The following PCNX2 variants were observed in gnomAD, a reference collection of about 807,000 sequenced individuals.
PCNX2 encodes the protein pecanex 2.
PCNX2 carries 168 observed loss-of-function variants against 223.8 expected under a neutral mutation model. That is an observed-to-expected ratio of 0.75 (90% CI 0.66 to 0.85). The LOEUF is 0.85. PCNX2 is among the 40% of genes least tolerant of loss of function. The probability of loss-of-function intolerance (pLI) is 0.00; values close to 1 mark genes in which losing one functional copy is unlikely to be tolerated. For synonymous variants in PCNX2, 1,006 were observed against 1,052.6 expected, an observed-to-expected ratio of 0.96 and a Z score of 0.86; for missense variants, 2,507 against 2,675.5, an observed-to-expected ratio of 0.94 and a Z score of 1.39.
chr1:233,143,222 C>A (rs1410811149), intron 19 of PCNX2, among the ~76,000 whole-genome samples: 3 of 152,172 alleles, frequency 2.0e-5, no homozygotes, highest in Non-Finnish European at 4.4e-5. Context: ...AGACAATATA[C>A]CCAGAGTCAT....
rs1290827159 is a variant in PCNX2 at position 233,285,356 on chromosome 1, AAAT to A, written c.153+9967_153+9969del. ...GACAATGAACCCTATCTCTAAAAAG[AAAT>A]AATAATAAAATTAAAAATTAAAAAT... On this transcript the variant is annotated intron_variant, in intron 1 of 33. Coordinates refer to ENST00000258229, the MANE Select transcript of PCNX2 (RefSeq NM_014801.4). Among the ~76,000 whole-genome samples the A allele has an allele frequency of 2.0e-5, 3 of 152,108 alleles. No homozygotes were observed. The East Asian group carries it at 5.8e-4, about 29-fold the overall frequency.
chr1:233,121,902 G>C (rs1675817356), intron 21 of PCNX2, among the ~76,000 whole-genome samples: 1 of 152,126 alleles, frequency 6.6e-6, no homozygotes, highest in Non-Finnish European at 1.5e-5. Context: ...AGCTGAGAAT[G>C]CCTAGATGCA....
chr1:233,276,976 A>G (rs1484350643), intron 1 of PCNX2, among the ~76,000 whole-genome samples: 1 of 152,238 alleles, frequency 6.6e-6, no homozygotes, highest in Non-Finnish European at 1.5e-5. Flanking sequence ...CCTAGACTAG[A>G]GTGTCAGGGA....
chr1:233,057,903 T>C, intron 23 of PCNX2: 1 of 985,414 alleles, frequency 1.0e-6, no homozygotes, highest in Non-Finnish European at 1.2e-6. Flanking sequence ...CTACCCACTT[T>C]CAGAACTTGA....
At chr1:233,322,741 G>A in the PCNX2 span, among the ~76,000 whole-genome samples, 3 of 152,094 alleles carry the variant, frequency 2.0e-5, no homozygotes, top group Non-Finnish European at 2.9e-5. Flanking sequence ...TCAGATGGAC[G>A]TTCTAAGTCA....
intron 5 of PCNX2, among the ~76,000 whole-genome samples, chr1:233,255,996 TC>T (rs1331278227): frequency 1.3e-5 from 2 of 152,194 alleles, no homozygotes; most frequent in African/African-American, 4.8e-5. Flanking sequence ...ACTGTCTCTT[TC>T]TTCAATTAAA....
chr1:233,069,809 G>A (rs1472407335), intron 23 of PCNX2, among the ~76,000 whole-genome samples: 1 of 151,802 alleles, frequency 6.6e-6, no homozygotes, highest in Non-Finnish European at 1.5e-5. Flanking sequence ...CATAGTCTAT[G>A]GTCCCACCCA....
chr1:233,235,957 A>AAAT (rs369886650), intron 9 of PCNX2, among the ~76,000 whole-genome samples: 41 of 93,106 alleles, frequency 4.4e-4, no homozygotes, highest in African/African-American at 5.9e-4. Flanking sequence ...CATAAAAAAA[A>AAAT]ATATATATAT....
chr1:233,254,654 G>A (rs561549823), intron 5 of PCNX2, among the ~76,000 whole-genome samples: 1 of 149,344 alleles, frequency 6.7e-6, no homozygotes, highest in African/African-American at 2.5e-5. Flanking sequence ...TACCACTGGA[G>A]CCAATTTGAT....
intron 17 of PCNX2, chr1:233,167,633 AC>A: frequency 1.5e-6 from 1 of 671,310 alleles, no homozygotes; most frequent in Non-Finnish European, 1.8e-6. Context: ...CACTATAGTA[AC>A]CATTTTACTA....
chr1:233,120,994 C>T (rs1379172255), intron 21 of PCNX2, among the ~76,000 whole-genome samples: 1 of 151,016 alleles, frequency 6.6e-6, no homozygotes, highest in African/African-American at 2.4e-5. Context: ...TATATGAAGT[C>T]AATAAACAAA....
At position 233,000,344 on chromosome 1, in the gene PCNX2, G is replaced by A; in HGVS notation, c.5289C>T (p.Ile1763=). Residue 1763 remains isoleucine, a synonymous_variant, in exon 30 of 34, where the codon ATC becomes ATT. Coordinates refer to ENST00000258229, the MANE Select transcript of PCNX2 (RefSeq NM_014801.4). This position sits in a 1 kb window ranked among gnomAD's most constrained non-coding sequence, Gnocchi z 4.6. ...AGCTCAGGAAGCTTCTGTGGAGCAT[G>A]ATGACCTTGTACTCGTCGGCACCCT... ...VDEGADEYKV[I]MLHRSFLSFK... 1 of 1,613,980 alleles carries A rather than the reference G, an allele frequency of 6.2e-7. No homozygotes were observed. The highest frequency in any genetic ancestry group is 2.2e-5 in the East Asian group (1 of 44,878).
intron 25 of PCNX2, among the ~76,000 whole-genome samples, chr1:233,030,688 T>C (rs1002518362): frequency 6.6e-6 from 1 of 152,204 alleles, no homozygotes; most frequent in African/African-American, 2.4e-5. Flanking sequence ...AGCCTGGTCT[T>C]TTGGGGGTCT....
rs756831078 is a variant in PCNX2 at position 233,025,273 on chromosome 1, C to T, written c.4478G>A (p.Arg1493His). The change falls in exon 26 of 34, where the codon CGC becomes CAC. Residue 1493 changes from arginine to histidine, a missense_variant. Arg to His is a conservative substitution (Grantham distance 29). Around this residue, in one of 3 missense-constraint regions of PCNX2, gnomAD observed 1,372 missense variants for 1,509.4 expected, o/e 0.91. Transcript: ENST00000258229. ...CTGCGTGATTTCCCAGGTGAGCCAG[C>T]GGAGGTGAAAGGCAGCGTTGCAGGA... ...LLSCNAAFHL[R>H]WLTWEITQTQ... 7.4e-6 allele frequency: 12 copies of T among 1,613,858 alleles called. No individual in the cohort carries two copies. Among genetic ancestry groups the T allele is most frequent in the African/African-American group, 6.7e-5 (5 of 74,898 alleles).
At position 232,998,243 on chromosome 1, in the gene PCNX2, G is replaced by A; in HGVS notation, c.5791+8C>T. ...CATCGATAGTTTGGAGGCCCCTGCT[G>A]CACCCACCTGTTCTCTGTGTCCCTT... On this transcript the variant is annotated splice_region_variant and intron_variant, in intron 32 of 33. Transcript: ENST00000258229. 6.4e-7 allele frequency: 1 copy of A among 1,550,832 alleles called. No individual in the cohort carries two copies. Among genetic ancestry groups the A allele is most frequent in the South Asian group, 1.2e-5 (1 of 81,298 alleles).
At chr1:233,133,270 T>C (rs926003813) in intron 21 of PCNX2, among the ~76,000 whole-genome samples, 3 of 152,170 alleles carry the variant, frequency 2.0e-5, no homozygotes, top group African/African-American at 7.2e-5. Context: ...TCACAAATAG[T>C]TTAAAGATTA....
chr1:232,993,874 TC>T (rs1365853112), intron 32 of PCNX2, among the ~76,000 whole-genome samples: 1 of 152,234 alleles, frequency 6.6e-6, no homozygotes, highest in African/African-American at 2.4e-5. Context: ...GGGTGCAAAC[TC>T]CAAGCCTTTG....
rs75273888 is a variant in PCNX2 at position 233,121,054 on chromosome 1, TA to T, written c.3837+13958del. Among the ~76,000 whole-genome samples, 348 of 140,576 alleles carry T rather than the reference TA, an allele frequency of 2.5e-3. 1 individual carries two copies. Among genetic ancestry groups the T allele is most frequent in the Middle Eastern group, 7.2e-3 (2 of 278 alleles). The allele number at this position is 140,576 out of a possible 152,430, so 92.2% of individuals were successfully genotyped here. On this transcript the variant is annotated intron_variant, in intron 21 of 33. Coordinates refer to ENST00000258229, the MANE Select transcript of PCNX2 (RefSeq NM_014801.4). ...GCAAGGAACAATTGGAGTTTAAAAT[TA>T]AAAAAAAAAAATACACCCTCCACGA...
At chr1:233,305,314 TA>T in the PCNX2 span, among the ~76,000 whole-genome samples, 3 of 152,210 alleles carry the variant, frequency 2.0e-5, no homozygotes, top group Admixed American at 2.0e-4. Flanking sequence ...GGAAATGAGA[TA>T]AAATGGAGTT....
Sources: gnomAD v4.1 joint callset for allele counts (sites outside exome capture counted in the v4.1 genomes callset) on GRCh38, gnomAD v4.1.1 for gene constraint, gnomAD v4.1.1 regional missense constraint, Gnocchi (gnomAD v3.1) non-coding constraint, MANE v1.5 for transcripts, NCBI Gene and HGNC (gene_info 2026-07-23, HGNC 2026-07-21) for gene names.